SGMS1: variants seen among roughly 807,000 people sequenced by gnomAD.
SGMS1 encodes the protein phosphatidylcholine:ceramide cholinephosphotransferase 1.
In SGMS1, 13 loss-of-function variants were observed where a neutral mutation model predicts 46.2. The ratio of observed to expected loss-of-function variants is 0.28; its 90% CI spans 0.18 to 0.45. The LOEUF (loss-of-function observed/expected upper bound fraction) is 0.45, where lower values mean the gene tolerates loss of function less well. Ranked by LOEUF, SGMS1 falls within the 20% of genes least tolerant of loss-of-function variation. The pLI, the probability that SGMS1 is intolerant of heterozygous loss-of-function variation, is 1.00. For synonymous variants in SGMS1, 203 were observed against 187.8 expected (o/e 1.08, Z -0.66); for missense variants, 324 against 519.9 (o/e 0.62, Z 3.66).
intron 1 of SGMS1, among the ~76,000 whole-genome samples, chr10:50,592,923 G>GTGGTGATATCCGCCTCCAAGATGGCCCA (rs1564439884): frequency 6.6e-6 from 1 of 152,206 alleles, no homozygotes; most frequent in Non-Finnish European, 1.5e-5. Flanking sequence ...AAGATGGCCC[G>GTGGTGATATCCGCCTCCAAGATGGCCCA]TGGTGATATC....
At chr10:50,537,073 C>T (rs1251985868) in intron 2 of SGMS1, among the ~76,000 whole-genome samples, 4 of 152,200 alleles carry the variant, frequency 2.6e-5, no homozygotes, top group Non-Finnish European at 5.9e-5. Context: ...GTCATCTTAG[C>T]ATTTGCATTT....
At chr10:50,585,571 A>G (rs558943386) in intron 2 of SGMS1, among the ~76,000 whole-genome samples, 26 of 152,328 alleles carry the variant, frequency 1.7e-4, no homozygotes, top group Non-Finnish European at 1.5e-5. Flanking sequence ...AATAAGCCCC[A>G]TGTGGTTGGT....
At chr10:50,337,216 A>G (rs1234416826) in intron 7 of SGMS1, among the ~76,000 whole-genome samples, 1 of 152,166 alleles carries the variant, frequency 6.6e-6, no homozygotes, top group Non-Finnish European at 1.5e-5. Flanking sequence ...AAGAACAAAC[A>G]TTTCCCAGAA....
At chr10:50,313,287 A>G (rs930920152) in intron 8 of SGMS1, among the ~76,000 whole-genome samples, 3 of 152,246 alleles carry the variant, frequency 2.0e-5, no homozygotes, top group African/African-American at 7.2e-5. Context: ...CTTCTACAGC[A>G]GAAGTCAGTA....
rs1236387601 is a variant in SGMS1, at chr10:50,335,859, G to C, written c.623+7633C>G. 4 of 152,270 alleles carry C rather than the reference G, an allele frequency of 2.6e-5. No homozygotes were observed. In the East Asian group the frequency reaches 7.7e-4, roughly 29 times the overall value. The allele number at this position is 152,270 out of a possible 1,614,324, so 9.4% of individuals were successfully genotyped here. A position where few individuals can be genotyped will look rare whatever the true frequency, so the allele number is the denominator to read the frequency against. On this transcript the variant is annotated intron_variant, in intron 7 of 10. Transcript: ENST00000361781. ...TTATCTCTGGTGAGATGATAATTTG[G>C]TTTGTCTTTTTGTTTATCCTTATCT...
chr10:50,566,885 A>C (rs968595600), intron 2 of SGMS1, among the ~76,000 whole-genome samples: 1 of 152,174 alleles, frequency 6.6e-6, no homozygotes, highest in African/African-American at 2.4e-5. Flanking sequence ...TAACACAACG[A>C]AAATGCTTTG....
chr10:50,357,399 A>T lies in SGMS1; in HGVS notation c.-231-13054T>A, dbSNP rs927573526. On this transcript the variant is annotated intron_variant, in intron 6 of 10. Coordinates refer to ENST00000361781, the MANE Select transcript of SGMS1 (RefSeq NM_147156.4). ...TATCCTTATTCACAAATAATCTATT[A>T]TACTACCTTGTCATCTGGCACTCGC... is the stretch of plus-strand genomic sequence containing the variant. 5.3e-4 allele frequency among the ~76,000 whole-genome samples: 81 copies of T among 152,224 alleles called. 2 individuals carry two copies. The highest frequency in any genetic ancestry group is 1.5e-4 in the Non-Finnish European group (10 of 68,036).
At chr10:50,521,231 T>C (rs1837854309) in intron 2 of SGMS1, among the ~76,000 whole-genome samples, 1 of 152,194 alleles carries the variant, frequency 6.6e-6, no homozygotes, top group Non-Finnish European at 1.5e-5. Context: ...ATAATAATAG[T>C]ACAAAAGTAT....
At chr10:50,420,684 T>C (rs1432346910) in intron 6 of SGMS1, among the ~76,000 whole-genome samples, 3 of 152,236 alleles carry the variant, frequency 2.0e-5, no homozygotes. Flanking sequence ...TTGGCTATTA[T>C]ATCAAGGACA....
At chr10:50,548,922 A>T (rs1588873746) in intron 2 of SGMS1, among the ~76,000 whole-genome samples, 1 of 152,142 alleles carries the variant, frequency 6.6e-6, no homozygotes, top group African/African-American at 2.4e-5. Flanking sequence ...GAAGACATAC[A>T]TATGGCCAAC....
chr10:50,548,404 G>C (rs1000202449), intron 2 of SGMS1, among the ~76,000 whole-genome samples: 1 of 151,942 alleles, frequency 6.6e-6, no homozygotes, highest in African/African-American at 2.4e-5. Context: ...AGAAATAAGA[G>C]TACACATCTA....
chr10:50,346,536 A>G (rs1847914850), intron 6 of SGMS1, among the ~76,000 whole-genome samples: 1 of 152,180 alleles, frequency 6.6e-6, no homozygotes, highest in Non-Finnish European at 1.5e-5. Context: ...AGGAATACAT[A>G]CTATAATCTC....
At chr10:50,601,035 T>G (rs7908136) in intron 1 of SGMS1, among the ~76,000 whole-genome samples, 116,336 of 152,096 alleles carry the variant, frequency 0.76, 45,415 homozygotes, top group African/African-American at 0.93. Flanking sequence ...TTTTAAGCAG[T>G]GACTAACATG....
chr10:50,327,353 C>G, intron 7 of SGMS1, 31 bp from the exon 8 acceptor site: 1 of 1,276,620 alleles, frequency 7.8e-7, no homozygotes, highest in South Asian at 1.3e-5. Flanking sequence ...GGCAGATTCT[C>G]AGTCAAGAAA....
At chr10:50,555,606 A>C (rs2133838279) in intron 2 of SGMS1, among the ~76,000 whole-genome samples, 1 of 152,356 alleles carries the variant, frequency 6.6e-6, no homozygotes, top group East Asian at 1.9e-4. Flanking sequence ...TTCCTATTTA[A>C]AATGTTAATT....
chr10:50,462,818 G>A (rs1045258795), intron 4 of SGMS1, among the ~76,000 whole-genome samples: 3 of 152,094 alleles, frequency 2.0e-5, no homozygotes, highest in East Asian at 1.9e-4. Context: ...TCTGGAAAGC[G>A]GAGATGACTG....
intron 2 of SGMS1, 147 bp downstream of exon 2, chr10:50,590,006 T>C (rs1226825093): frequency 6.6e-6 from 1 of 152,202 alleles, no homozygotes; most frequent in Non-Finnish European, 1.5e-5. Context: ...TACAAACCTA[T>C]ACACACACCA....
chr10:50,622,785 C>A (rs1838866102), intron 1 of SGMS1, among the ~76,000 whole-genome samples: 1 of 152,244 alleles, frequency 6.6e-6, no homozygotes. Context: ...CAGCATTCAC[C>A]AGAACGCTCC....
intron 6 of SGMS1, among the ~76,000 whole-genome samples, chr10:50,380,081 T>G (rs1848579252): frequency 6.6e-6 from 1 of 152,140 alleles, no homozygotes; most frequent in Non-Finnish European, 1.5e-5. Flanking sequence ...AAATATAGAC[T>G]TTTAAAAATC....
Sources: allele counts gnomAD v4.1 joint callset (sites outside exome capture counted in the v4.1 genomes callset), GRCh38; gene constraint gnomAD v4.1.1; transcripts MANE v1.5; gene names NCBI Gene and HGNC (gene_info 2026-07-23, HGNC 2026-07-21).